Variants in LINGO2 observed in about 807,000 individuals in gnomAD.
LINGO2 encodes leucine-rich repeat and immunoglobulin-like domain-containing nogo receptor-interacting protein 2.
LINGO2 carries 14 observed loss-of-function variants against 30.6 expected under a neutral mutation model. The observed-to-expected ratio is 0.46, with a 90% confidence interval of 0.30 to 0.72. LINGO2 has a LOEUF of 0.72. LINGO2 is among the 30% of genes least tolerant of loss of function. The pLI, the probability that LINGO2 is intolerant of heterozygous loss-of-function variation, is 0.07. For synonymous variants in LINGO2, 317 were observed against 288.5 expected (o/e 1.10, Z -1.00); for missense variants, 729 against 751.7 (o/e 0.97, Z 0.35).
At chr9:28,931,654 T>C in the LINGO2 span, among the ~76,000 whole-genome samples, 2 of 152,212 alleles carry the variant, frequency 1.3e-5, no homozygotes, top group Admixed American at 1.3e-4. Context: ...AAAATTGCTT[T>C]ACAACTTTTT....
At chr9:28,163,673 A>T in intron 4 of LINGO2, among the ~76,000 whole-genome samples, 1 of 152,144 alleles carries the variant, frequency 6.6e-6, no homozygotes, top group East Asian at 1.9e-4. Flanking sequence ...TCAAAGACTC[A>T]CCAACCAAAT....
chr9:28,809,461 G>T, the LINGO2 span, among the ~76,000 whole-genome samples: 1 of 151,996 alleles, frequency 6.6e-6, no homozygotes, highest in African/African-American at 2.4e-5. Flanking sequence ...AAAATGCTAG[G>T]ATGGCTGGGC....
chr9:28,799,433 C>T, the LINGO2 span, among the ~76,000 whole-genome samples: 419 of 152,124 alleles, frequency 2.8e-3, 3 homozygotes, highest in African/African-American at 9.6e-3. Context: ...GAGGCTGTAC[C>T]ATCAAGGGAG....
chr9:28,725,778 A>C, the LINGO2 span, among the ~76,000 whole-genome samples: 1 of 150,186 alleles, frequency 6.7e-6, no homozygotes, highest in South Asian at 2.1e-4. Context: ...CACACATTAA[A>C]ATAAAGGAAA....
chr9:28,946,592 T>C, the LINGO2 span, among the ~76,000 whole-genome samples: 1 of 152,170 alleles, frequency 6.6e-6, no homozygotes, highest in Non-Finnish European at 1.5e-5. Context: ...TCACTAATTT[T>C]GTAGGCTTTT....
the LINGO2 span, among the ~76,000 whole-genome samples, chr9:29,185,414 G>A: frequency 2.0e-5 from 3 of 152,102 alleles, no homozygotes; most frequent in Non-Finnish European, 2.9e-5. Context: ...CATTCCATCT[G>A]CCACATATGC....
At chr9:28,407,475 G>A (rs146294792) in intron 2 of LINGO2, among the ~76,000 whole-genome samples, 109 of 152,188 alleles carry the variant, frequency 7.2e-4, no homozygotes, top group Middle Eastern at 3.4e-3. Flanking sequence ...AAGCACAGAC[G>A]CACATTTCTC....
At chr9:28,790,161 A>C in the LINGO2 span, among the ~76,000 whole-genome samples, 2 of 152,038 alleles carry the variant, frequency 1.3e-5, no homozygotes, top group African/African-American at 4.8e-5. Flanking sequence ...GACATAAATC[A>C]TCCCTTTGTC....
chr9:28,255,316 G>A (rs1421606179), intron 4 of LINGO2, among the ~76,000 whole-genome samples: 1 of 151,958 alleles, frequency 6.6e-6, no homozygotes, highest in Non-Finnish European at 1.5e-5. Context: ...CACTCGGAAT[G>A]GCTTTTGACT....
the LINGO2 span, among the ~76,000 whole-genome samples, chr9:29,053,450 T>C: frequency 6.6e-6 from 1 of 152,146 alleles, no homozygotes; most frequent in African/African-American, 2.4e-5. Flanking sequence ...TTAGGAGATA[T>C]ACCTCATGCT....
the LINGO2 span, among the ~76,000 whole-genome samples, chr9:28,818,223 G>A: frequency 1.1e-3 from 168 of 152,270 alleles, no homozygotes; most frequent in African/African-American, 3.6e-3. Context: ...AGTATTAGGT[G>A]CTAGTCTAAA....
At position 28,264,091 on chromosome 9, in the gene LINGO2, C is replaced by A. The variant is rs116865209; in HGVS notation, c.-87+31117G>T. Among the ~76,000 whole-genome samples the A allele has an allele frequency of 1.2e-3, 189 of 152,018 alleles. No individual in the cohort carries two copies. The Middle Eastern group carries it at 0.027, about 22-fold the overall frequency. Reference sequence around the variant, plus strand: ...AAAAAAAAGACGAAAAAATCTGTAGCCATCAAATCATCTTTGTAATAAAAT... The same window carrying A: ...AAAAAAAAGACGAAAAAATCTGTAGACATCAAATCATCTTTGTAATAAAAT... On this transcript the variant is annotated intron_variant, in intron 4 of 5. Transcript: ENST00000379992.
At chr9:28,328,929 T>C (rs1038248417) in intron 3 of LINGO2, among the ~76,000 whole-genome samples, 2 of 152,276 alleles carry the variant, frequency 1.3e-5, no homozygotes, top group South Asian at 4.1e-4. Context: ...CTGGGATTAA[T>C]ACTGGTGCCA....
At chr9:28,974,372 C>T in the LINGO2 span, among the ~76,000 whole-genome samples, 1 of 152,118 alleles carries the variant, frequency 6.6e-6, no homozygotes, top group African/African-American at 2.4e-5. Context: ...TGCCACTGCA[C>T]TCCAGCCTGG....
the LINGO2 span, among the ~76,000 whole-genome samples, chr9:28,810,865 G>A: frequency 6.6e-6 from 1 of 151,986 alleles, no homozygotes; most frequent in Non-Finnish European, 1.5e-5. Context: ...TCTCTTGGGG[G>A]TGAGTCACAT....
chr9:28,769,386 T>G, the LINGO2 span, among the ~76,000 whole-genome samples: 1 of 146,904 alleles, frequency 6.8e-6, no homozygotes, highest in Admixed American at 6.8e-5. Flanking sequence ...TACTCATTGT[T>G]TCTTTAAGTA....
intron 1 of LINGO2, among the ~76,000 whole-genome samples, chr9:28,480,411 T>C (rs1192588162): frequency 6.6e-6 from 1 of 152,046 alleles, no homozygotes; most frequent in Non-Finnish European, 1.5e-5. Context: ...TTATTCTTTT[T>C]CAAGAGCAGA....
the LINGO2 span, among the ~76,000 whole-genome samples, chr9:29,123,416 G>A: frequency 6.6e-6 from 1 of 151,948 alleles, no homozygotes; most frequent in Admixed American, 6.6e-5. Context: ...AGAGAAGCTA[G>A]GAATATTATT....
the LINGO2 span, among the ~76,000 whole-genome samples, chr9:28,839,878 G>A: frequency 2.6e-5 from 4 of 152,206 alleles, no homozygotes; most frequent in East Asian, 1.9e-4. Flanking sequence ...TAATGCTGAG[G>A]GGTGCCTGCA....
Sources: allele counts gnomAD v4.1 joint callset (sites outside exome capture counted in the v4.1 genomes callset), GRCh38; gene constraint gnomAD v4.1.1; transcripts MANE v1.5; gene names NCBI Gene and HGNC (gene_info 2026-07-23, HGNC 2026-07-21).